The following RTF1 variants were observed in gnomAD, a reference collection of about 807,000 sequenced individuals.
The protein encoded by RTF1 is RTF1 homolog, Paf1/RNA polymerase II complex component.
RTF1 carries 10 observed loss-of-function variants against 95.7 expected under a neutral mutation model. The observed-to-expected ratio is 0.10, with a 90% confidence interval of 0.06 to 0.18. The LOEUF is 0.18. RTF1 is among the 10% of genes least tolerant of loss of function. RTF1 has a pLI of 1.00. For synonymous variants in RTF1, 305 were observed against 311.8 expected (o/e 0.98, Z 0.23); for missense variants, 458 against 875.6 (o/e 0.52, Z 6.02).
chr15:41,434,624 CTT>C (rs61546529), intron 1 of RTF1, among the ~76,000 whole-genome samples: 23 of 141,486 alleles, frequency 1.6e-4, no homozygotes, highest in South Asian at 6.8e-4. Context: ...GTACTAATGT[CTT>C]TTTTTTTTTT....
At chr15:41,450,106 G>A in intron 2 of RTF1, among the ~76,000 whole-genome samples, 1 of 152,040 alleles carries the variant, frequency 6.6e-6, no homozygotes, top group East Asian at 1.9e-4. Flanking sequence ...TGAGATGAGA[G>A]AATCTCTTGA....
chr15:41,457,551 A>G, intron 3 of RTF1, 121 bp from the exon 4 acceptor site: 3 of 911,548 alleles, frequency 3.3e-6, no homozygotes, highest in Admixed American at 2.2e-5. Context: ...ACAAATAAGT[A>G]AAATAACAAA....
intron 8 of RTF1, among the ~76,000 whole-genome samples, chr15:41,474,015 C>T (rs916136129): frequency 7.3e-5 from 11 of 151,370 alleles, no homozygotes; most frequent in Admixed American, 2.6e-4. Flanking sequence ...CCAGCCTGGG[C>T]GACAGAGCAA....
chr15:41,422,256 G>T (rs571903518), intron 1 of RTF1, among the ~76,000 whole-genome samples: 3 of 152,104 alleles, frequency 2.0e-5, no homozygotes, highest in African/African-American at 7.2e-5. Context: ...TCTAACTCCT[G>T]GCCTCAGGTG....
chr15:41,479,643 C>G (rs1321065693), intron 16 of RTF1, among the ~76,000 whole-genome samples: 1 of 152,022 alleles, frequency 6.6e-6, no homozygotes, highest in African/African-American at 2.4e-5. Context: ...GGCGGATCAC[C>G]TGAGGTCAGG....
In RTF1 at chr15:41,457,751, T is replaced by C. The variant is rs749902663; in HGVS notation, c.537T>C (p.His179=). ...CTTCCTCAGAAGATGAAGAGTTCCA[T>C]GATGGCTATGGAGAAGACCTCATGG... The part of the protein sequence containing the change: ...SDSSSEDEEF[H]DGYGEDLMGD... Residue 179 remains histidine, a synonymous_variant, in exon 4 of 18, where the codon CAT becomes CAC. Transcript: ENST00000389629. The C allele has an allele frequency of 8.1e-6, 13 of 1,614,088 alleles. No homozygotes were observed. Among genetic ancestry groups the C allele is most frequent in the Non-Finnish European group, 8.5e-6 (10 of 1,180,018 alleles).
intron 1 of RTF1, among the ~76,000 whole-genome samples, chr15:41,431,265 A>G (rs2140948185): frequency 6.9e-6 from 1 of 143,960 alleles, no homozygotes; most frequent in African/African-American, 2.6e-5. Flanking sequence ...CCCAGGCTAG[A>G]GTGCAGTGGT....
rs140984068 is a variant in RTF1, at chr15:41,480,693, C to G, written c.*6C>G. ...AACGACGAGGGCTTATTTGAGCACA[C>G]CCAGCCTGCTGCTTCTGACCCTGCA... On this transcript the variant is annotated 3_prime_UTR_variant, in exon 18 of 18. Transcript: ENST00000389629. 4.2e-4 allele frequency: 670 copies of G among 1,599,230 alleles called. 8 individuals carry two copies. The East Asian group carries it at 9.4e-3, about 22-fold the overall frequency.
intron 1 of RTF1, among the ~76,000 whole-genome samples, chr15:41,433,926 A>C (rs1050938935): frequency 6.7e-5 from 10 of 148,676 alleles, no homozygotes; most frequent in Non-Finnish European, 1.3e-4. Flanking sequence ...GTTCACTGCA[A>C]CCTCTGCCTC....
chr15:41,425,000 C>G (rs573969810), intron 1 of RTF1, among the ~76,000 whole-genome samples: 175 of 149,716 alleles, frequency 1.2e-3, no homozygotes, highest in Admixed American at 1.9e-3. Context: ...GAGACTCCGT[C>G]TAAAAAAAAC....
intron 1 of RTF1, among the ~76,000 whole-genome samples, chr15:41,428,297 T>C (rs2050648793): frequency 8.7e-6 from 1 of 114,554 alleles, no homozygotes; most frequent in Non-Finnish European, 1.8e-5. Context: ...AGATGGAGTC[T>C]CGCTTTGTTG....
chr15:41,461,406 T>C (rs2050847885), intron 4 of RTF1, among the ~76,000 whole-genome samples: 1 of 152,124 alleles, frequency 6.6e-6, no homozygotes, highest in Admixed American at 6.6e-5. Flanking sequence ...GGTTTCCAAG[T>C]CCTGACCTTA....
At chr15:41,428,086 C>T (rs910456407) in intron 1 of RTF1, among the ~76,000 whole-genome samples, 2 of 151,146 alleles carry the variant, frequency 1.3e-5, no homozygotes, top group East Asian at 3.9e-4. Flanking sequence ...CATGCCTGGC[C>T]GCCTTCTTTT....
At chr15:41,454,508 T>C (rs1478527818) in intron 3 of RTF1, among the ~76,000 whole-genome samples, 1 of 152,200 alleles carries the variant, frequency 6.6e-6, no homozygotes, top group Non-Finnish European at 1.5e-5. Flanking sequence ...TCCTCAATGA[T>C]TGTTAAAACC....
intron 5 of RTF1, among the ~76,000 whole-genome samples, chr15:41,465,751 C>G (rs891273215): frequency 6.6e-6 from 1 of 152,082 alleles, no homozygotes; most frequent in African/African-American, 2.4e-5. Flanking sequence ...GTATATCATC[C>G]TTTACTTGGT....
intron 5 of RTF1, among the ~76,000 whole-genome samples, chr15:41,465,124 T>C (rs1468353037): frequency 6.6e-6 from 1 of 151,938 alleles, no homozygotes; most frequent in Non-Finnish European, 1.5e-5. Flanking sequence ...TCTTTCTTTT[T>C]CCCTTTTCTT....
chr15:41,443,587 A>G (rs2730056), intron 2 of RTF1, among the ~76,000 whole-genome samples: 28,027 of 147,948 alleles, frequency 0.19, 3,365 homozygotes, highest in Non-Finnish European at 0.26. Context: ...CAGCCATTCA[A>G]TCATGAGTTG....
intron 5 of RTF1, 36 bp from the exon 6 acceptor site, chr15:41,466,105 T>G: frequency 7.2e-7 from 1 of 1,383,030 alleles, no homozygotes; most frequent in Non-Finnish European, 9.8e-7. Context: ...CAGCTGTTGG[T>G]AAAAAGGGCC....
intron 1 of RTF1, among the ~76,000 whole-genome samples, chr15:41,432,871 G>A (rs2050682443): frequency 6.6e-6 from 1 of 151,878 alleles, no homozygotes; most frequent in South Asian, 2.1e-4. Context: ...CCAGGAGGCC[G>A]AGGTTGTAGT....
Sources: allele counts gnomAD v4.1 joint callset (sites outside exome capture counted in the v4.1 genomes callset), GRCh38; gene constraint gnomAD v4.1.1; transcripts MANE v1.5; gene names NCBI Gene and HGNC (gene_info 2026-07-23, HGNC 2026-07-21).